Variants in VARS2 observed in about 807,000 individuals in gnomAD.
VARS2 encodes valyl-tRNA synthetase 2, mitochondrial, also known as valine--tRNA ligase, mitochondrial.
A neutral mutation model predicts 154.1 loss-of-function variants in VARS2; 105 were observed. That is an observed-to-expected ratio of 0.68 (90% CI 0.58 to 0.80). The LOEUF (loss-of-function observed/expected upper bound fraction) is 0.80, where lower values mean the gene tolerates loss of function less well. Ranked by LOEUF, VARS2 falls within the 30% of genes least tolerant of loss-of-function variation. The probability of loss-of-function intolerance (pLI) is 0.00; values close to 1 mark genes in which losing one functional copy is unlikely to be tolerated. For synonymous variants in VARS2, 483 were observed against 539.5 expected (o/e 0.90, Z 1.45); for missense variants, 1,157 against 1,361.4 (o/e 0.85, Z 2.36).
chr6:30,915,732 T>C lies in VARS2; in HGVS notation c.385-14T>C. The C allele has an allele frequency of 6.2e-7, 1 of 1,612,564 alleles. No homozygotes were observed. The highest frequency in any genetic ancestry group is 8.5e-7 in the Non-Finnish European group (1 of 1,179,652). On this transcript the variant is annotated splice_polypyrimidine_tract_variant and intron_variant, in intron 4 of 29. Coordinates refer to ENST00000676266, the MANE Select transcript of VARS2 (RefSeq NM_020442.6). ...AATTCTCTCTTGCCCCTTTGACTTTTTTTCTTCCTCTAGGCCCGGCTGCCC... is the reference window on the plus strand; with the variant it reads ...AATTCTCTCTTGCCCCTTTGACTTTCTTTCTTCCTCTAGGCCCGGCTGCCC...
intron 1 of VARS2, 28 bp downstream of exon 1, chr6:30,914,372 G>A: frequency 8.0e-7 from 1 of 1,250,460 alleles, no homozygotes; most frequent in Non-Finnish European, 1.0e-6. Context: ...CGGCCTCCGG[G>A]AAGTGGGAGA....
At chr6:30,922,396 A>G in intron 20 of VARS2, 54 bp from the exon 21 acceptor site, 3 of 1,607,844 alleles carry the variant, frequency 1.9e-6, no homozygotes, top group Non-Finnish European at 2.6e-6. Context: ...GAGGCCAGAG[A>G]TCCCAAGGCA....
chr6:30,922,201 T>C lies in VARS2; in HGVS notation c.1892T>C (p.Met631Thr). Residue 631 changes from methionine (M) to threonine (T), a missense_variant, in exon 20 of 30, where the codon ATG becomes ACG. Coordinates refer to ENST00000676266, the MANE Select transcript of VARS2 (RefSeq NM_020442.6). ...CTGTTCTGGGTGGGCCGCATGGTCA[T>C]GTTGGGGACCCAGCTCACAGGGCAG... is the stretch of plus-strand genomic sequence containing the variant. ...LLLFWVGRMV[M>T]LGTQLTGQLP... 3 of 1,612,820 alleles carry C rather than the reference T, an allele frequency of 1.9e-6. No individual in the cohort carries two copies. Among genetic ancestry groups the C allele is most frequent in the Non-Finnish European group, 2.5e-6 (3 of 1,179,920 alleles).
In VARS2 at chr6:30,915,218, G is replaced by A. The variant is rs1480835836; in HGVS notation, c.264G>A (p.Thr88=). The part of the protein sequence containing the change: ...PKELVLYEIP[T]KPGEKKDVSG... Reference sequence around the variant, plus strand: ...AGTTAGTATTGTATGAAATCCCTACGAAACCCGGTGAAAAGAAAGGTAAGT... The same window carrying A: ...AGTTAGTATTGTATGAAATCCCTACAAAACCCGGTGAAAAGAAAGGTAAGT... Residue 88 remains threonine, a synonymous_variant, in exon 3 of 30, where the codon ACG becomes ACA. Transcript: ENST00000676266. 1 of 1,614,168 alleles carries A rather than the reference G, an allele frequency of 6.2e-7. No homozygotes were observed. Among genetic ancestry groups the A allele is most frequent in the Non-Finnish European group, 8.5e-7 (1 of 1,180,010 alleles).
chr6:30,914,563 T>C, intron 1 of VARS2: 1 of 1,338,712 alleles, frequency 7.5e-7, no homozygotes, highest in Non-Finnish European at 9.7e-7. Context: ...CTATCTCTCA[T>C]GTGTCAGTGG....
Position 30,915,954 on chromosome 6 carries a change from G to A in VARS2, c.507-27G>A, listed in dbSNP as rs774518472. 3.1e-6 allele frequency: 5 copies of A among 1,614,032 alleles called. No individual in the cohort carries two copies. The East Asian group carries it at 1.1e-4, about 36-fold the overall frequency. ...TGAGGATAAACATTTAAGCTCAGGGGCTCACAGGAGGGCATTTTTGTTGCA... is the reference window on the plus strand; with the variant it reads ...TGAGGATAAACATTTAAGCTCAGGGACTCACAGGAGGGCATTTTTGTTGCA... On this transcript the variant is annotated intron_variant, in intron 5 of 29. Transcript: ENST00000676266.
rs1554266731 is a variant in VARS2, at chr6:30,916,480, T to TTTTATA, written c.671+232_671+233insTTATAT. 1.7e-5 allele frequency: 5 copies of TTTTATA among 286,990 alleles called. No homozygotes were observed. Among genetic ancestry groups the TTTTATA allele is most frequent in the East Asian group, 7.8e-5 (1 of 12,800 alleles). 17.8% of individuals were successfully genotyped at this position (286,990 alleles called of 1,614,324 possible). A position where few individuals can be genotyped will look rare whatever the true frequency, so the allele number is the denominator to read the frequency against. On this transcript the variant is annotated intron_variant, in intron 7 of 29. Transcript: ENST00000676266. This position sits in a 1 kb window ranked among gnomAD's most constrained non-coding sequence, Gnocchi z 4.0. ...TGTGTGTGTGTGTGTGTGTGTGTAT[T>TTTTATA]TATATATATATATATATTTTCTTTC...
chr6:30,923,531 T>C (rs1582200399), intron 25 of VARS2, 26 bp downstream of exon 25: 1 of 1,598,752 alleles, frequency 6.3e-7, no homozygotes, highest in South Asian at 1.1e-5. Context: ...GGAGGCTTGG[T>C]ATTCCCATGC....
intron 26 of VARS2, 147 bp downstream of exon 26, chr6:30,924,707 C>A: frequency 3.3e-6 from 2 of 600,776 alleles, no homozygotes; most frequent in South Asian, 4.1e-5. Context: ...TGCAGGGTTG[C>A]TGCGATGACC....
At chr6:30,915,077 TGAGAG>T in intron 2 of VARS2, 40 bp downstream of exon 2, 1 of 1,611,878 alleles carries the variant, frequency 6.2e-7, no homozygotes, top group Non-Finnish European at 8.5e-7. Flanking sequence ...TTCTGAGACT[TGAGAG>T]GGGCTGGAGG....
intron 23 of VARS2, 59 bp downstream of exon 23, chr6:30,923,035 C>T (rs1186719628): frequency 6.2e-7 from 1 of 1,605,894 alleles, no homozygotes; most frequent in Non-Finnish European, 8.5e-7. Flanking sequence ...TGTGCAGGGG[C>T]AGGGCAGGGG....
rs748393167 is a variant in VARS2 at position 30,914,603 on chromosome 6, G to C, written c.-27-207G>C. On this transcript the variant is annotated intron_variant, in intron 1 of 29. Coordinates refer to ENST00000676266, the MANE Select transcript of VARS2 (RefSeq NM_020442.6). ...CGCCGAATCCAGACACTCCGGCCCTGTTCCGGAAGAGCCCTGATATCCGTG... is the reference window on the plus strand; with the variant it reads ...CGCCGAATCCAGACACTCCGGCCCTCTTCCGGAAGAGCCCTGATATCCGTG... 1,169 of 1,217,634 alleles carry C rather than the reference G, an allele frequency of 9.6e-4. 1 individual carries two copies. Among genetic ancestry groups the C allele is most frequent in the Non-Finnish European group, 1.2e-3 (1,093 of 910,466 alleles). The allele number at this position is 1,217,634 out of a possible 1,614,324, so 75.4% of individuals were successfully genotyped here.
Position 30,919,123 on chromosome 6 carries a change from C to T in VARS2, c.1074+208C>T, listed in dbSNP as rs971861524. The T allele has an allele frequency of 5.6e-6, 3 of 532,378 alleles. No homozygotes were observed. The highest frequency in any genetic ancestry group is 2.9e-5 in the East Asian group (1 of 34,188). The allele number at this position is 532,378 out of a possible 1,614,324, so 33.0% of individuals were successfully genotyped here. ...TGGCCCATGGTCCTAATCCAGCTTGCGGCCTTTTTTTTTGAGACAGAGTCT... is the reference window on the plus strand; with the variant it reads ...TGGCCCATGGTCCTAATCCAGCTTGTGGCCTTTTTTTTTGAGACAGAGTCT... On this transcript the variant is annotated intron_variant, in intron 11 of 29. Coordinates refer to ENST00000676266, the MANE Select transcript of VARS2 (RefSeq NM_020442.6). The surrounding 1 kb of genome is among the most constrained non-coding windows in gnomAD (Gnocchi z 4.5).
rs925630088 is a variant in VARS2, at chr6:30,920,064, A to G, written c.1166-25A>G. 3 of 1,518,954 alleles carry G rather than the reference A, an allele frequency of 2.0e-6. No individual in the cohort carries two copies. Among genetic ancestry groups the G allele is most frequent in the Non-Finnish European group, 2.6e-6 (3 of 1,134,216 alleles). The allele number at this position is 1,518,954 out of a possible 1,614,324, so 94.1% of individuals were successfully genotyped here. A position where few individuals can be genotyped will look rare whatever the true frequency, so the allele number is the denominator to read the frequency against. Reference sequence around the variant, plus strand: ...AGCAAAAGCCAAGGTCAGGTTCAGTACTCACCATGGCTGTGCTCCCCAAGG... The same window carrying G: ...AGCAAAAGCCAAGGTCAGGTTCAGTGCTCACCATGGCTGTGCTCCCCAAGG... On this transcript the variant is annotated intron_variant, in intron 12 of 29. Coordinates refer to ENST00000676266, the MANE Select transcript of VARS2 (RefSeq NM_020442.6). The surrounding 1 kb of genome is among the most constrained non-coding windows in gnomAD (Gnocchi z 4.6).
At position 30,917,096 on chromosome 6, in the gene VARS2, T is replaced by G; in HGVS notation, c.754-9T>G. The G allele has an allele frequency of 6.2e-7, 1 of 1,614,086 alleles. No individual in the cohort carries two copies. Among genetic ancestry groups the G allele is most frequent in the Non-Finnish European group, 8.5e-7 (1 of 1,180,002 alleles). ...TGGCTCTTAGAGGTGGACACTCAGG[T>G]CATTCCAGGGCTCCTCAGTGGCTGT... On this transcript the variant is annotated splice_polypyrimidine_tract_variant and intron_variant, in intron 8 of 29. Coordinates refer to ENST00000676266, the MANE Select transcript of VARS2 (RefSeq NM_020442.6). The surrounding 1 kb of genome is among the most constrained non-coding windows in gnomAD (Gnocchi z 4.4).
In VARS2 at chr6:30,925,285, C is replaced by T; in HGVS notation, c.2685C>T (p.Arg895=). ...CCCCCCATTGCCAGGAGCACTGGCGCCAGCCAGAGCTGGAGCGGCGCTTCT... is the reference window on the plus strand; with the variant it reads ...CCCCCCATTGCCAGGAGCACTGGCGTCAGCCAGAGCTGGAGCGGCGCTTCT... The part of the protein sequence containing the change: ...YPSACSLEHW[R]QPELERRFSR... The change falls in exon 27 of 30, where the codon CGC becomes CGT. Residue 895 remains arginine, a synonymous_variant. Transcript: ENST00000676266. 6.2e-7 allele frequency: 1 copy of T among 1,611,506 alleles called. No homozygotes were observed. The highest frequency in any genetic ancestry group is 8.5e-7 in the Non-Finnish European group (1 of 1,179,316).
At chr6:30,918,059 T>A (rs1794288473) in intron 10 of VARS2, among the ~76,000 whole-genome samples, 1 of 137,906 alleles carries the variant, frequency 7.3e-6, no homozygotes, top group African/African-American at 2.5e-5. Context: ...AAGGTATGTT[T>A]TGTTTTGTTT....
In VARS2 at chr6:30,917,791, GTGGA is replaced by G; in HGVS notation, c.975_978del (p.Asp325GlufsTer9). The G allele has an allele frequency of 6.4e-7, 1 of 1,557,240 alleles. No individual in the cohort carries two copies. The highest frequency in any genetic ancestry group is 1.2e-5 in the South Asian group (1 of 84,272). ...CCTCCTATTTTCTGTTGCCTTCCCCGTGGATGGAGAGCCTGGTGAGCATAGTACT... is the reference window on the plus strand; with the variant it reads ...CCTCCTATTTTCTGTTGCCTTCCCCGTGGAGAGCCTGGTGAGCATAGTACT... On this transcript the variant is annotated frameshift_variant, in exon 10 of 30. Transcript: ENST00000676266. LOFTEE classifies it high-confidence loss of function. The surrounding 1 kb of genome is among the most constrained non-coding windows in gnomAD (Gnocchi z 4.4).
Position 30,926,216 on chromosome 6 carries a change from C to T in VARS2, c.*6C>T, listed in dbSNP as rs1200756189. On this transcript the variant is annotated 3_prime_UTR_variant, in exon 30 of 30. Coordinates refer to ENST00000676266, the MANE Select transcript of VARS2 (RefSeq NM_020442.6). ...CAGGGAGCCCGGAGCTCTAACTCAT[C>T]ATCCCCATCAGTTTTCCTCCCTCTC... The T allele has an allele frequency of 1.2e-6, 2 of 1,612,872 alleles. No homozygotes were observed. The highest frequency in any genetic ancestry group is 3.3e-5 in the Admixed American group (2 of 60,020).
Sources: gnomAD v4.1 joint callset for allele counts (sites outside exome capture counted in the v4.1 genomes callset) on GRCh38, gnomAD v4.1.1 for gene constraint, Gnocchi (gnomAD v3.1) non-coding constraint, MANE v1.5 for transcripts, NCBI Gene and HGNC (gene_info 2026-07-23, HGNC 2026-07-21) for gene names.